The following LINGO2 variants were observed in gnomAD, a reference collection of about 807,000 sequenced individuals.
The protein encoded by LINGO2 is leucine-rich repeat and immunoglobulin-like domain-containing nogo receptor-interacting protein 2.
LINGO2 carries 14 observed loss-of-function variants against 30.6 expected under a neutral mutation model. That is an observed-to-expected ratio of 0.46 (90% CI 0.30 to 0.72). The LOEUF (loss-of-function observed/expected upper bound fraction) is 0.72, where lower values mean the gene tolerates loss of function less well. Ranked by LOEUF, LINGO2 falls within the 30% of genes least tolerant of loss-of-function variation. The probability of loss-of-function intolerance (pLI) is 0.07; values close to 1 mark genes in which losing one functional copy is unlikely to be tolerated. For missense variants in LINGO2, 729 were observed against 751.7 expected (o/e 0.97, Z 0.35); for synonymous variants, 317 against 288.5 (o/e 1.10, Z -1.00).
chr9:28,014,097 G>T (rs955224345), intron 4 of LINGO2, among the ~76,000 whole-genome samples: 1 of 152,084 alleles, frequency 6.6e-6, no homozygotes, highest in Non-Finnish European at 1.5e-5. Context: ...TGTGTAGGAC[G>T]TGGTTACCAC....
intron 3 of LINGO2, among the ~76,000 whole-genome samples, chr9:28,347,308 C>A (rs986234007): frequency 6.6e-6 from 1 of 152,062 alleles, no homozygotes; most frequent in Non-Finnish European, 1.5e-5. Flanking sequence ...TTTGAGGAAA[C>A]AAACACTAGC....
intron 5 of LINGO2, among the ~76,000 whole-genome samples, chr9:27,976,642 A>G (rs1342461639): frequency 6.6e-6 from 1 of 152,082 alleles, no homozygotes; most frequent in Non-Finnish European, 1.5e-5. Context: ...GTCGCAGTCT[A>G]GTAATAAGTC....
At chr9:28,191,413 C>T (rs557370170) in intron 4 of LINGO2, among the ~76,000 whole-genome samples, 1 of 152,268 alleles carries the variant, frequency 6.6e-6, no homozygotes, top group East Asian at 1.9e-4. Flanking sequence ...TTCCTGCTGC[C>T]TGTGATTTCA....
At chr9:28,434,962 G>A (rs1417291908) in intron 2 of LINGO2, among the ~76,000 whole-genome samples, 4 of 151,906 alleles carry the variant, frequency 2.6e-5, no homozygotes, top group African/African-American at 7.3e-5. Context: ...TCTCTCAATC[G>A]ACTATAACCT....
At chr9:28,843,876 T>C in the LINGO2 span, among the ~76,000 whole-genome samples, 1 of 151,780 alleles carries the variant, frequency 6.6e-6, no homozygotes, top group Non-Finnish European at 1.5e-5. Context: ...ACGATTTAGG[T>C]TCAAATTATT....
chr9:29,081,716 T>C, the LINGO2 span, among the ~76,000 whole-genome samples: 56 of 152,206 alleles, frequency 3.7e-4, no homozygotes, highest in Admixed American at 2.5e-3. Context: ...CTTAAGCCGA[T>C]AGGCAACTTC....
At chr9:28,659,434 A>G (rs1303185208) in intron 1 of LINGO2, among the ~76,000 whole-genome samples, 4 of 151,922 alleles carry the variant, frequency 2.6e-5, no homozygotes, top group African/African-American at 9.7e-5. Flanking sequence ...CAGCTGACTT[A>G]TATACTTTTT....
the LINGO2 span, among the ~76,000 whole-genome samples, chr9:28,936,357 CAGA>C: frequency 2.0e-5 from 3 of 152,172 alleles, no homozygotes; most frequent in Admixed American, 2.0e-4. Context: ...TGAGCAGGAA[CAGA>C]AGGTCACCAA....
chr9:28,104,272 T>G (rs1201650733), intron 4 of LINGO2, among the ~76,000 whole-genome samples: 273 of 147,016 alleles, frequency 1.9e-3, no homozygotes, highest in African/African-American at 6.2e-3. Flanking sequence ...GTTTGTTTTT[T>G]TTTTTTTTTT....
the LINGO2 span, among the ~76,000 whole-genome samples, chr9:29,147,881 T>C: frequency 6.6e-6 from 1 of 152,046 alleles, no homozygotes; most frequent in Admixed American, 6.5e-5. Context: ...CAAAATAAGG[T>C]ATTTAATAAA....
the LINGO2 span, among the ~76,000 whole-genome samples, chr9:29,063,906 A>G: frequency 1.3e-5 from 2 of 152,182 alleles, no homozygotes; most frequent in East Asian, 3.8e-4. Flanking sequence ...CAAAGATGCT[A>G]GGAAGATTGG....
chr9:28,649,207 C>G (rs1827976730), intron 1 of LINGO2, among the ~76,000 whole-genome samples: 1 of 152,076 alleles, frequency 6.6e-6, no homozygotes, highest in East Asian at 1.9e-4. Context: ...TAGTAAAAAG[C>G]ATACTCCCAG....
the LINGO2 span, among the ~76,000 whole-genome samples, chr9:29,073,160 A>T: frequency 3.3e-5 from 5 of 152,112 alleles, no homozygotes; most frequent in African/African-American, 1.2e-4. Flanking sequence ...GAAAAGAAAA[A>T]AATATATGTA....
intron 5 of LINGO2, among the ~76,000 whole-genome samples, chr9:27,998,860 TGAGA>T: frequency 6.6e-6 from 1 of 152,162 alleles, no homozygotes. Context: ...TGCCACAGCA[TGAGA>T]GAGAAGAGTA....
intron 4 of LINGO2, among the ~76,000 whole-genome samples, chr9:28,106,398 T>C (rs1377929291): frequency 6.6e-6 from 1 of 152,158 alleles, no homozygotes; most frequent in Non-Finnish European, 1.5e-5. Context: ...ACTGTTCTTA[T>C]TACAAATTTC....
chr9:29,189,212 G>A, the LINGO2 span, among the ~76,000 whole-genome samples: 2 of 149,966 alleles, frequency 1.3e-5, no homozygotes, highest in African/African-American at 4.9e-5. Flanking sequence ...CTTCCCAGTA[G>A]GGGCGGCCGG....
At chr9:28,267,193 G>C (rs946780878) in intron 4 of LINGO2, among the ~76,000 whole-genome samples, 1 of 151,950 alleles carries the variant, frequency 6.6e-6, no homozygotes, top group African/African-American at 2.4e-5. Flanking sequence ...AAATACTCCA[G>C]AACAATGTCT....
At chr9:28,508,218 C>CA (rs577458531) in intron 1 of LINGO2, among the ~76,000 whole-genome samples, 204 of 151,498 alleles carry the variant, frequency 1.3e-3, no homozygotes, top group Non-Finnish European at 2.5e-3. Context: ...GTTAAAATTT[C>CA]AAAAAAAATC....
chr9:28,872,699 A>G, the LINGO2 span, among the ~76,000 whole-genome samples: 20 of 152,140 alleles, frequency 1.3e-4, no homozygotes, highest in African/African-American at 4.8e-4. Context: ...TACTTTGTTC[A>G]TCAACAGTTC....
Sources: allele counts gnomAD v4.1 joint callset (sites outside exome capture counted in the v4.1 genomes callset), GRCh38; gene constraint gnomAD v4.1.1; transcripts MANE v1.5; gene names NCBI Gene and HGNC (gene_info 2026-07-23, HGNC 2026-07-21).